KIAA1217: variants seen among roughly 807,000 people sequenced by gnomAD.
The protein encoded by KIAA1217 is sickle tail protein homolog.
KIAA1217 carries 88 observed loss-of-function variants against 163.9 expected under a neutral mutation model. The ratio of observed to expected loss-of-function variants is 0.54; its 90% confidence interval spans 0.45 to 0.64. The LOEUF (loss-of-function observed/expected upper bound fraction) is 0.64, where lower values mean the gene tolerates loss of function less well. Ranked by LOEUF, KIAA1217 falls within the 30% of genes least tolerant of loss-of-function variation. KIAA1217 has a pLI of 0.00. For missense variants in KIAA1217, 2,372 were observed against 2,475.0 expected, an observed-to-expected ratio of 0.96 and a Z score of 0.88; for synonymous variants, 903 against 923.1, an observed-to-expected ratio of 0.98 and a Z score of 0.39.
chr10:24,455,055 C>T (rs1490053742), intron 5 of KIAA1217, among the ~76,000 whole-genome samples: 2 of 151,550 alleles, frequency 1.3e-5, no homozygotes, highest in African/African-American at 2.4e-5. Context: ...TTGGCAACCT[C>T]GGGCTATAAT....
intron 1 of KIAA1217, among the ~76,000 whole-genome samples, chr10:23,799,828 G>A (rs1836385903): frequency 6.6e-6 from 1 of 152,108 alleles, no homozygotes; most frequent in African/African-American, 2.4e-5. Flanking sequence ...TCTTTGGAAT[G>A]TCAGATTTAA....
chr10:23,764,569 A>T (rs1000941494), intron 1 of KIAA1217, among the ~76,000 whole-genome samples: 1 of 152,228 alleles, frequency 6.6e-6, no homozygotes, highest in Non-Finnish European at 1.5e-5. Flanking sequence ...GATAGACTGG[A>T]TAAAGAAAAT....
At chr10:23,726,386 T>C in intron 1 of KIAA1217, among the ~76,000 whole-genome samples, 1 of 151,706 alleles carries the variant, frequency 6.6e-6, no homozygotes, top group East Asian at 1.9e-4. Flanking sequence ...TTTTTTATTA[T>C]ACTTTAAGTT....
At chr10:24,390,996 T>C (rs1350760151) in intron 3 of KIAA1217, among the ~76,000 whole-genome samples, 1 of 152,214 alleles carries the variant, frequency 6.6e-6, no homozygotes, top group Non-Finnish European at 1.5e-5. Context: ...GTTGGTCAGA[T>C]ATCCTTAGGA....
chr10:24,246,175 A>G (rs769245512), intron 2 of KIAA1217, among the ~76,000 whole-genome samples: 2 of 152,122 alleles, frequency 1.3e-5, no homozygotes, highest in Non-Finnish European at 2.9e-5. Context: ...CCAATTTTCA[A>G]TTTCTCCCTT....
chr10:24,384,692 T>A (rs4589183), intron 3 of KIAA1217, among the ~76,000 whole-genome samples: 1 of 151,926 alleles, frequency 6.6e-6, no homozygotes, highest in Non-Finnish European at 1.5e-5. Flanking sequence ...CCTGCCACCA[T>A]GCCTGGCTAA....
At chr10:23,779,850 C>T (rs563006190) in intron 1 of KIAA1217, among the ~76,000 whole-genome samples, 8 of 152,190 alleles carry the variant, frequency 5.3e-5, no homozygotes, top group East Asian at 1.9e-4. Context: ...GTATTTTTAC[C>T]GTATCTTTTC....
chr10:23,893,939 A>T (rs1201834040), intron 1 of KIAA1217, among the ~76,000 whole-genome samples: 2 of 151,884 alleles, frequency 1.3e-5, no homozygotes, highest in South Asian at 4.1e-4. Flanking sequence ...AAATTCAACA[A>T]CCCTTCATGC....
chr10:24,392,162 A>G (rs7100174), intron 3 of KIAA1217, among the ~76,000 whole-genome samples: 78,161 of 151,938 alleles, frequency 0.51, 22,635 homozygotes, highest in African/African-American at 0.79. Context: ...AGTTAATATT[A>G]GAATATAAGA....
At chr10:24,109,641 A>G (rs1040583626) in intron 2 of KIAA1217, among the ~76,000 whole-genome samples, 4 of 152,162 alleles carry the variant, frequency 2.6e-5, no homozygotes. Context: ...AAAAAAGAGG[A>G]AAAAAGTGCT....
intron 1 of KIAA1217, among the ~76,000 whole-genome samples, chr10:23,939,019 A>G (rs996497678): frequency 2.6e-5 from 4 of 152,222 alleles, no homozygotes; most frequent in African/African-American, 4.8e-5. Flanking sequence ...TCAAGAAAGT[A>G]AAGAAAAACA....
At chr10:24,118,163 A>G (rs1409617428) in intron 2 of KIAA1217, among the ~76,000 whole-genome samples, 10 of 152,024 alleles carry the variant, frequency 6.6e-5, no homozygotes, top group Admixed American at 6.6e-4. Flanking sequence ...AAAAAAAAAA[A>G]AAAAAGAAAC....
At chr10:23,995,132 G>C (rs1019126745) in intron 1 of KIAA1217, among the ~76,000 whole-genome samples, 1 of 152,104 alleles carries the variant, frequency 6.6e-6, no homozygotes, top group African/African-American at 2.4e-5. Context: ...TTTAGCACTT[G>C]CCGTGTGCCA....
intron 1 of KIAA1217, among the ~76,000 whole-genome samples, chr10:23,962,569 A>G (rs994677289): frequency 9.9e-5 from 15 of 152,238 alleles, no homozygotes; most frequent in Non-Finnish European, 1.9e-4. Flanking sequence ...ACTGAAAGAT[A>G]CTATATATTG....
chr10:23,900,820 G>A (rs914528653), intron 1 of KIAA1217, among the ~76,000 whole-genome samples: 2 of 152,052 alleles, frequency 1.3e-5, no homozygotes, highest in African/African-American at 4.8e-5. Flanking sequence ...ACTGTATCAT[G>A]TCCAGTTGTC....
chr10:24,287,440 C>G (rs1037269392), intron 2 of KIAA1217, among the ~76,000 whole-genome samples: 1 of 152,054 alleles, frequency 6.6e-6, no homozygotes, highest in African/African-American at 2.4e-5. Flanking sequence ...AAACTTAGGC[C>G]GACAAATCAA....
chr10:24,072,506 T>C (rs2061223242), intron 2 of KIAA1217, among the ~76,000 whole-genome samples: 1 of 152,160 alleles, frequency 6.6e-6, no homozygotes, highest in East Asian at 1.9e-4. Flanking sequence ...ATTTTCAGGC[T>C]ATTGTTTAGA....
chr10:24,041,944 G>A (rs565164759), intron 2 of KIAA1217, among the ~76,000 whole-genome samples: 2 of 122,392 alleles, frequency 1.6e-5, no homozygotes, highest in East Asian at 2.0e-4. Flanking sequence ...AGGGAGTATC[G>A]TGTGTGTGTG....
At chr10:24,306,645 T>C (rs1021300843) in intron 2 of KIAA1217, among the ~76,000 whole-genome samples, 1 of 152,146 alleles carries the variant, frequency 6.6e-6, no homozygotes, top group Non-Finnish European at 1.5e-5. Context: ...TGGATACACA[T>C]CACGTATGTG....
Sources: gnomAD v4.1 joint callset for allele counts (sites outside exome capture counted in the v4.1 genomes callset) on GRCh38, gnomAD v4.1.1 for gene constraint, MANE v1.5 for transcripts, NCBI Gene and HGNC (gene_info 2026-07-23, HGNC 2026-07-21) for gene names.